Variants in SNX13 observed in about 807,000 individuals in gnomAD.
The protein encoded by SNX13 is sorting nexin 13.
SNX13 carries 45 observed loss-of-function variants against 133.6 expected under a neutral mutation model. That is an observed-to-expected ratio of 0.34 (90% CI 0.27 to 0.43). The LOEUF is 0.43. SNX13 is among the 20% of genes least tolerant of loss of function. SNX13 has a pLI of 1.00. For synonymous variants in SNX13, 414 were observed against 373.9 expected (o/e 1.11, Z -1.24); for missense variants, 1,032 against 1,145.1 (o/e 0.90, Z 1.43).
chr7:17,836,413 A>G (rs1789148535), intron 13 of SNX13, among the ~76,000 whole-genome samples: 1 of 152,032 alleles, frequency 6.6e-6, no homozygotes, highest in South Asian at 2.1e-4. Context: ...CCTACTCGGG[A>G]GTCTGAGTCA....
chr7:17,814,604 T>C (rs547262238), intron 20 of SNX13, among the ~76,000 whole-genome samples: 8 of 152,234 alleles, frequency 5.3e-5, no homozygotes, highest in East Asian at 1.9e-4. Flanking sequence ...AATGTACCAT[T>C]TCAAATTTTT....
At chr7:17,933,362 T>C (rs4721670) in intron 1 of SNX13, among the ~76,000 whole-genome samples, 91,734 of 151,882 alleles carry the variant, frequency 0.6, 28,143 homozygotes, top group Admixed American at 0.66. Context: ...GCTAACCTGG[T>C]GAAACCCCGT....
intron 20 of SNX13, among the ~76,000 whole-genome samples, chr7:17,805,044 T>G (rs1192528481): frequency 6.6e-6 from 1 of 152,184 alleles, no homozygotes; most frequent in African/African-American, 2.4e-5. Context: ...ACCATAGATA[T>G]GCTTGACGGA....
At chr7:17,801,024 A>ATATATATATATATATG (rs1562652099) in intron 22 of SNX13, among the ~76,000 whole-genome samples, 2 of 16,264 alleles carry the variant, frequency 1.2e-4, no homozygotes, top group African/African-American at 3.1e-4. Context: ...ATATATATAT[A>ATATATATATATATATG]TATATATATA....
chr7:17,919,549 A>G (rs1799904983), intron 1 of SNX13, among the ~76,000 whole-genome samples: 1 of 152,238 alleles, frequency 6.6e-6, no homozygotes, highest in Non-Finnish European at 1.5e-5. Flanking sequence ...TCCTACAAAT[A>G]GTCTGAAACT....
intron 5 of SNX13, among the ~76,000 whole-genome samples, chr7:17,884,526 T>C (rs1795757925): frequency 6.6e-6 from 1 of 152,208 alleles, no homozygotes; most frequent in South Asian, 2.1e-4. Flanking sequence ...TGGAAACAAA[T>C]TCTTACTACC....
intron 1 of SNX13, among the ~76,000 whole-genome samples, chr7:17,939,655 G>A (rs1802547609): frequency 6.6e-6 from 1 of 152,200 alleles, no homozygotes; most frequent in Non-Finnish European, 1.5e-5. Context: ...GGGGCCACAC[G>A]CAAATCAAGG....
chr7:17,904,541 G>A (rs1798189641), intron 1 of SNX13, among the ~76,000 whole-genome samples: 1 of 152,144 alleles, frequency 6.6e-6, no homozygotes, highest in Non-Finnish European at 1.5e-5. Flanking sequence ...TTTTATACCA[G>A]CTATCTTAGA....
chr7:17,906,902 A>G (rs934291503), intron 1 of SNX13, among the ~76,000 whole-genome samples: 1 of 152,152 alleles, frequency 6.6e-6, no homozygotes, highest in Non-Finnish European at 1.5e-5. Context: ...ATAAATAAAT[A>G]AAGATAATAC....
intron 1 of SNX13, among the ~76,000 whole-genome samples, chr7:17,920,504 A>G (rs1800010464): frequency 6.6e-6 from 1 of 152,202 alleles, no homozygotes; most frequent in Non-Finnish European, 1.5e-5. Context: ...AATAAATTTG[A>G]AGCACTCTGT....
chr7:17,808,596 T>C (rs778723377), intron 20 of SNX13, among the ~76,000 whole-genome samples: 17 of 152,006 alleles, frequency 1.1e-4, no homozygotes, highest in South Asian at 2.1e-4. Context: ...ATTCAGGAAA[T>C]ACAGAGAACA....
rs1453005830 is a variant in SNX13, at chr7:17,850,685, G to A, written c.976+141C>T. The A allele has an allele frequency of 8.6e-6, 6 of 699,452 alleles. No homozygotes were observed. In the Admixed American group the frequency reaches 1.1e-4, roughly 13 times the overall value. 43.3% of individuals were successfully genotyped at this position (699,452 alleles called of 1,614,324 possible). On this transcript the variant is annotated intron_variant, in intron 10 of 25. Transcript: ENST00000428135. ...AAAATAATGCTTTTACTTTAACTAA[G>A]CACATGTTAACCTAATAAGGAAGAT...
chr7:17,865,587 TATCA>T (rs1156424771), intron 9 of SNX13, among the ~76,000 whole-genome samples: 1 of 152,152 alleles, frequency 6.6e-6, no homozygotes, highest in African/African-American at 2.4e-5. Context: ...AAGCAACCCA[TATCA>T]AAATACCAAT....
intron 17 of SNX13, 83 bp downstream of exon 17, chr7:17,825,939 A>T: frequency 1.0e-6 from 1 of 957,872 alleles, no homozygotes; most frequent in Non-Finnish European, 1.5e-6. Flanking sequence ...AAAAATGGTT[A>T]GTAAAAATTA....
chr7:17,875,402 C>A, intron 7 of SNX13, 78 bp downstream of exon 7: 2 of 1,120,418 alleles, frequency 1.8e-6, no homozygotes, highest in African/African-American at 1.6e-5. Flanking sequence ...ATAATTTTAC[C>A]CTTAGATTTT....
At chr7:17,820,608 A>G (rs1427329166) in intron 18 of SNX13, among the ~76,000 whole-genome samples, 1 of 151,992 alleles carries the variant, frequency 6.6e-6, no homozygotes, top group Non-Finnish European at 1.5e-5. Flanking sequence ...AGTTTATCTC[A>G]CTCTATCCAC....
At chr7:17,848,964 T>C (rs2723572) in intron 11 of SNX13, among the ~76,000 whole-genome samples, 92,460 of 152,120 alleles carry the variant, frequency 0.61, 29,459 homozygotes, top group African/African-American at 0.79. Context: ...ACTCTGTTCA[T>C]TGAAGTGTAG....
At chr7:17,858,654 T>C (rs1218379343) in intron 9 of SNX13, among the ~76,000 whole-genome samples, 2 of 152,078 alleles carry the variant, frequency 1.3e-5, no homozygotes, top group African/African-American at 2.4e-5. Context: ...ATGTGAAAAA[T>C]AGTCAAAACA....
At chr7:17,818,278 A>G (rs1452562177) in intron 18 of SNX13, among the ~76,000 whole-genome samples, 1 of 152,186 alleles carries the variant, frequency 6.6e-6, no homozygotes, top group Non-Finnish European at 1.5e-5. Context: ...AAACTAATAT[A>G]CCAAGGAAAT....
Sources: gnomAD v4.1 joint callset for allele counts (sites outside exome capture counted in the v4.1 genomes callset) on GRCh38, gnomAD v4.1.1 for gene constraint, MANE v1.5 for transcripts, NCBI Gene and HGNC (gene_info 2026-07-23, HGNC 2026-07-21) for gene names.